ACSBG1: variants seen among roughly 807,000 people sequenced by gnomAD.
ACSBG1 encodes acyl-CoA synthetase bubblegum family member 1, also known as long-chain-fatty-acid--CoA ligase ACSBG1.
In ACSBG1, 39 loss-of-function variants were observed where a neutral mutation model predicts 80.2. The observed-to-expected ratio is 0.49, with a 90% CI of 0.38 to 0.64. ACSBG1 has a LOEUF of 0.64. Ranked by LOEUF, ACSBG1 falls within the 30% of genes least tolerant of loss-of-function variation. The pLI, the probability that ACSBG1 is intolerant of heterozygous loss-of-function variation, is 0.00. For synonymous variants in ACSBG1, 392 were observed against 379.5 expected (o/e 1.03, Z -0.38); for missense variants, 828 against 966.4 (o/e 0.86, Z 1.90).
rs577082570 is a variant in ACSBG1 at position 78,210,459 on chromosome 15, A to G, written c.132-2357T>C. 1.5e-4 allele frequency among the ~76,000 whole-genome samples: 23 copies of G among 152,320 alleles called. No individual in the cohort carries two copies. In the South Asian group the frequency reaches 2.9e-3, roughly 19 times the overall value. On this transcript the variant is annotated intron_variant, in intron 1 of 13. Transcript: ENST00000258873. The stretch of plus-strand genomic sequence containing the variant: ...AAACCTCCAGTAACTTCCTGCTCAC[A>G]CAGAGTTATAACCAGTAACAGGCTT...
At chr15:78,173,949 T>C (rs1462745142) in intron 12 of ACSBG1, 110 bp from the exon 13 acceptor site, 60 of 1,331,512 alleles carry the variant, frequency 4.5e-5, no homozygotes, top group Non-Finnish European at 5.4e-5. Flanking sequence ...ATGTGAGCTC[T>C]GTTTCAAAGA....
chr15:78,223,029 C>T (rs2075370921), intron 1 of ACSBG1, among the ~76,000 whole-genome samples: 1 of 152,202 alleles, frequency 6.6e-6, no homozygotes, highest in African/African-American at 2.4e-5. Flanking sequence ...AGAATCTGGG[C>T]TGGCCTTAGG....
chr15:78,217,650 A>G (rs1409185389), intron 1 of ACSBG1, among the ~76,000 whole-genome samples: 1 of 149,468 alleles, frequency 6.7e-6, no homozygotes, highest in Middle Eastern at 3.2e-3. Context: ...CACTGCAACC[A>G]CTGCCTCCTG....
chr15:78,234,224 A>T, intron 1 of ACSBG1, 147 bp downstream of exon 1: 1 of 1,160,704 alleles, frequency 8.6e-7, no homozygotes, highest in Non-Finnish European at 1.2e-6. Context: ...CTTCCATCTT[A>T]CGGATCGCCC....
At chr15:78,215,730 GAAAGAA>G (rs1567096231) in intron 1 of ACSBG1, among the ~76,000 whole-genome samples, 4 of 89,390 alleles carry the variant, frequency 4.5e-5, no homozygotes, top group Non-Finnish European at 9.8e-5. Context: ...GAAAGAGAAA[GAAAGAA>G]AGAAAGAAAG....
At chr15:78,226,242 A>T (rs2075399535) in intron 1 of ACSBG1, among the ~76,000 whole-genome samples, 1 of 152,228 alleles carries the variant, frequency 6.6e-6, no homozygotes, top group Admixed American at 6.5e-5. Context: ...AAAAAAAAGA[A>T]ATCCCACCAC....
chr15:78,178,886 C>T lies in ACSBG1; in HGVS notation c.1485-55G>A, dbSNP rs550707956. 4.0e-5 allele frequency: 61 copies of T among 1,529,546 alleles called. No individual in the cohort carries two copies. The Admixed American group carries it at 1.0e-3, about 26-fold the overall frequency. The allele number at this position is 1,529,546 out of a possible 1,614,324, so 94.7% of individuals were successfully genotyped here. On this transcript the variant is annotated intron_variant, in intron 10 of 13. Transcript: ENST00000258873. This position sits in a 1 kb window ranked among gnomAD's most constrained non-coding sequence, Gnocchi z 4.3. ...AGAGGGAGCCGTCTCCTCCAAGCCCCCACTGGGGAGCCGGGGTCCCAACTG... is the reference window on the plus strand; with the variant it reads ...AGAGGGAGCCGTCTCCTCCAAGCCCTCACTGGGGAGCCGGGGTCCCAACTG...
intron 2 of ACSBG1, 85 bp downstream of exon 2, chr15:78,207,917 T>TCCCCCCCACCCCCCCCCCCCCCCC: frequency 1.1e-6 from 1 of 876,066 alleles, no homozygotes; most frequent in Non-Finnish European, 1.8e-6. Flanking sequence ...TGTGTGGTGG[T>TCCCCCCCACCCCCCCCCCCCCCCC]CCCCCACACC....
chr15:78,202,984 A>G (rs774159389), intron 2 of ACSBG1, among the ~76,000 whole-genome samples: 2 of 152,252 alleles, frequency 1.3e-5, no homozygotes, highest in Non-Finnish European at 2.9e-5. Context: ...AGCCATTAAA[A>G]TAAAGTACAA....
In ACSBG1 at chr15:78,168,487, TA is replaced by T. The variant is rs1314983859; in HGVS notation, c.*2956del. On this transcript the variant is annotated 3_prime_UTR_variant, in exon 14 of 14. Transcript: ENST00000258873. ...CTGGGCAACAGAGTGAGACTCCATC[TA>T]AAAAAAAAATAATAATAAAAACAAA... is the stretch of plus-strand genomic sequence containing the variant. 11 of 148,854 alleles carry T rather than the reference TA, an allele frequency of 7.4e-5. No individual in the cohort carries two copies. Among genetic ancestry groups the T allele is most frequent in the Middle Eastern group, 3.5e-3 (1 of 282 alleles). 9.2% of individuals were successfully genotyped at this position (148,854 alleles called of 1,614,324 possible).
chr15:78,226,793 T>TATATATATAATATATATA (rs140373623), intron 1 of ACSBG1, among the ~76,000 whole-genome samples: 3 of 129,018 alleles, frequency 2.3e-5, no homozygotes. Flanking sequence ...AAAATATATA[T>TATATATATAATATATATA]ATATATATAA....
At chr15:78,184,030 C>T (rs373987839) in intron 5 of ACSBG1, among the ~76,000 whole-genome samples, 1 of 152,126 alleles carries the variant, frequency 6.6e-6, no homozygotes, top group Admixed American at 6.5e-5. Flanking sequence ...AGACTACATA[C>T]TAAGTTAGTA....
intron 1 of ACSBG1, among the ~76,000 whole-genome samples, chr15:78,231,666 G>A (rs1301414927): frequency 2.6e-5 from 4 of 152,050 alleles, no homozygotes. Flanking sequence ...ATAGCTCATT[G>A]CAGCCTCACA....
intron 2 of ACSBG1, among the ~76,000 whole-genome samples, chr15:78,196,457 C>T (rs1020424156): frequency 2.0e-5 from 3 of 152,188 alleles, no homozygotes; most frequent in African/African-American, 7.2e-5. Flanking sequence ...TCATCACCTG[C>T]AAATGTGAGG....
intron 1 of ACSBG1, among the ~76,000 whole-genome samples, chr15:78,217,622 A>T (rs757950088): frequency 3.3e-5 from 5 of 149,774 alleles, no homozygotes; most frequent in Non-Finnish European, 5.9e-5. Flanking sequence ...GCTGGAGTGC[A>T]GTGGTGCGAT....
chr15:78,197,509 G>A (rs117041835), intron 2 of ACSBG1, among the ~76,000 whole-genome samples: 5 of 151,754 alleles, frequency 3.3e-5, no homozygotes, highest in South Asian at 2.1e-4. Flanking sequence ...ACTTGAGGCC[G>A]GGAGTTAAAG....
chr15:78,177,898 C>T lies in ACSBG1; in HGVS notation c.1702+716G>A, dbSNP rs564891857. The stretch of plus-strand genomic sequence containing the variant: ...TCCACAGAGGCATCCCCAACTATTT[C>T]TGTCTCTGTGGGAAGTTTGTCTTAT... On this transcript the variant is annotated intron_variant, in intron 11 of 13. Transcript: ENST00000258873. This position sits in a 1 kb window ranked among gnomAD's most constrained non-coding sequence, Gnocchi z 4.1. 5.6e-4 allele frequency among the ~76,000 whole-genome samples: 85 copies of T among 152,232 alleles called. No homozygotes were observed. Among genetic ancestry groups the T allele is most frequent in the Non-Finnish European group, 9.1e-4 (62 of 68,050 alleles).
At chr15:78,208,457 G>C (rs191448248) in intron 1 of ACSBG1, among the ~76,000 whole-genome samples, 335 of 152,292 alleles carry the variant, frequency 2.2e-3, no homozygotes, top group Non-Finnish European at 3.0e-3. Context: ...GCTAAGGTCC[G>C]CACTGGAGGA....
At chr15:78,174,605 AC>A in intron 11 of ACSBG1, 81 bp from the exon 12 acceptor site, 1 of 1,502,980 alleles carries the variant, frequency 6.7e-7, no homozygotes, top group Non-Finnish European at 9.0e-7. Flanking sequence ...CTCAACCACA[AC>A]CCGGAAGCCT....
Sources: gnomAD v4.1 joint callset for allele counts (sites outside exome capture counted in the v4.1 genomes callset) on GRCh38, gnomAD v4.1.1 for gene constraint, Gnocchi (gnomAD v3.1) non-coding constraint, MANE v1.5 for transcripts, NCBI Gene and HGNC (gene_info 2026-07-23, HGNC 2026-07-21) for gene names.